OTUD4: variants seen among roughly 807,000 people sequenced by gnomAD.
The protein encoded by OTUD4 is OTU deubiquitinase 4.
In OTUD4, 24 loss-of-function variants were observed where a neutral mutation model predicts 130.4. The ratio of observed to expected loss-of-function variants is 0.18; its 90% CI spans 0.13 to 0.26. OTUD4 has a LOEUF of 0.26. Ranked by LOEUF, OTUD4 falls within the 10% of genes least tolerant of loss-of-function variation. The pLI is 1.00. For synonymous variants in OTUD4, 420 were observed against 472.5 expected (o/e 0.89, Z 1.44); for missense variants, 1,031 against 1,329.4 (o/e 0.78, Z 3.49).
chr4:145,151,130 T>C (rs150090231), intron 11 of OTUD4, among the ~76,000 whole-genome samples: 222 of 152,162 alleles, frequency 1.5e-3, no homozygotes, highest in African/African-American at 5.1e-3. Flanking sequence ...AAAAAGACAG[T>C]TGAATCACAA....
At chr4:145,152,935 G>A (rs982705894) in intron 10 of OTUD4, among the ~76,000 whole-genome samples, 3 of 149,036 alleles carry the variant, frequency 2.0e-5, no homozygotes, top group Non-Finnish European at 4.4e-5. Flanking sequence ...GGGTTTCACC[G>A]TGTTGGCCAG....
At chr4:145,148,216 G>A (rs942199057) in intron 13 of OTUD4, among the ~76,000 whole-genome samples, 2 of 152,140 alleles carry the variant, frequency 1.3e-5, no homozygotes, top group Admixed American at 6.6e-5. Context: ...CTGTTGATTA[G>A]AGGCCGGGTG....
Position 145,180,129 on chromosome 4 carries a change from C to A in OTUD4, c.-156G>T. 5.8e-6 allele frequency: 2 copies of A among 347,508 alleles called. No homozygotes were observed. The highest frequency in any genetic ancestry group is 8.4e-6 in the Non-Finnish European group (2 of 236,758). 21.5% of individuals were successfully genotyped at this position (347,508 alleles called of 1,614,324 possible). On this transcript the variant is annotated 5_prime_UTR_variant, in exon 1 of 21. Coordinates refer to ENST00000447906, the MANE Select transcript of OTUD4 (RefSeq NM_001366057.1). ...GGCGGCGGCGGCCCGAGGCAGCGGTCCGCGCTCTCCGGGCGCATAGGGAAG... is the reference window on the plus strand; with the variant it reads ...GGCGGCGGCGGCCCGAGGCAGCGGTACGCGCTCTCCGGGCGCATAGGGAAG...
chr4:145,142,465 T>G, intron 17 of OTUD4, 131 bp from the exon 18 acceptor site: 1 of 734,456 alleles, frequency 1.4e-6, no homozygotes, highest in Non-Finnish European at 2.3e-6. Flanking sequence ...ATAGCCCTTA[T>G]AGTCTTAGAA....
At chr4:145,161,111 A>AAACAACAACAACAAC (rs70956827) in intron 6 of OTUD4, among the ~76,000 whole-genome samples, 107 of 150,810 alleles carry the variant, frequency 7.1e-4, no homozygotes, top group African/African-American at 1.4e-3. Flanking sequence ...CTCCACCTCA[A>AAACAACAACAACAAC]AACAACAACA....
chr4:145,135,631 CA>C lies in OTUD4; in HGVS notation c.*1798del, dbSNP rs933474299. On this transcript the variant is annotated 3_prime_UTR_variant, in exon 21 of 21. Transcript: ENST00000447906. ...ACTATTCTAGTTAAGAAGGTGACAA[CA>C]AATTCCTTTCAATAGGTTCTCTCAA... is the stretch of plus-strand genomic sequence containing the variant. The C allele has an allele frequency of 6.6e-6, 1 of 152,600 alleles. No individual in the cohort carries two copies. Among genetic ancestry groups the C allele is most frequent in the Non-Finnish European group, 1.5e-5 (1 of 68,020 alleles). The allele number at this position is 152,600 out of a possible 1,614,324, so 9.5% of individuals were successfully genotyped here. A position where few individuals can be genotyped will look rare whatever the true frequency, so the allele number is the denominator to read the frequency against.
intron 10 of OTUD4, 113 bp from the exon 11 acceptor site, chr4:145,152,748 ACT>A: frequency 3.2e-6 from 2 of 624,818 alleles, no homozygotes; most frequent in South Asian, 4.1e-5. Context: ...ACAGGGTCTC[ACT>A]CTGTCACCCA....
Position 145,160,589 on chromosome 4 carries a change from G to C in OTUD4, c.497-954C>G, listed in dbSNP as rs149687982. On this transcript the variant is annotated intron_variant, in intron 6 of 20. Transcript: ENST00000447906. ...ACACTTTGGGAGACCAAGGCGGGCA[G>C]ATCACTGGAGGTCAGGAGTTCAAGA... Among the ~76,000 whole-genome samples the C allele has an allele frequency of 2.4e-3, 373 of 152,308 alleles. 2 individuals are homozygous for C. Among genetic ancestry groups the C allele is most frequent in the East Asian group, 8.3e-3 (43 of 5,182 alleles).
At chr4:145,138,680 A>C (rs745756652) in intron 20 of OTUD4, 30 bp from the exon 21 acceptor site, 1 of 1,557,862 alleles carries the variant, frequency 6.4e-7, no homozygotes. Context: ...TTAAATAAAC[A>C]AAAGAGGAGA....
intron 10 of OTUD4, 142 bp from the exon 11 acceptor site, chr4:145,152,777 C>A (rs1472037641): frequency 3.4e-6 from 2 of 585,734 alleles, no homozygotes; most frequent in Non-Finnish European, 6.1e-6. Context: ...AGTGCAGAGG[C>A]ACAATCTTGG....
intron 10 of OTUD4, among the ~76,000 whole-genome samples, chr4:145,153,392 A>T (rs1471477683): frequency 6.6e-6 from 1 of 152,172 alleles, no homozygotes; most frequent in East Asian, 1.9e-4. Flanking sequence ...CAGTTTCCTC[A>T]TAATGCAAAA....
At chr4:145,179,621 C>T (rs1035982952) in intron 1 of OTUD4, 194 bp downstream of exon 1, 8 of 1,388,944 alleles carry the variant, frequency 5.8e-6, no homozygotes, top group South Asian at 1.6e-5. Flanking sequence ...TGCGGGCTTT[C>T]GAGTTTCAAT....
intron 20 of OTUD4, among the ~76,000 whole-genome samples, chr4:145,139,297 T>C (rs758522403): frequency 6.6e-6 from 1 of 152,184 alleles, no homozygotes; most frequent in Non-Finnish European, 1.5e-5. Context: ...TTTATGAAAG[T>C]GGTCAGCAGG....
chr4:145,170,067 C>A (rs1399468189), intron 3 of OTUD4, among the ~76,000 whole-genome samples: 1 of 152,254 alleles, frequency 6.6e-6, no homozygotes, highest in South Asian at 2.1e-4. Context: ...AGGATAACCA[C>A]TACTCTGACT....
At chr4:145,147,969 C>T (rs950485949) in intron 13 of OTUD4, among the ~76,000 whole-genome samples, 1 of 152,128 alleles carries the variant, frequency 6.6e-6, no homozygotes, top group African/African-American at 2.4e-5. Context: ...GTAAAATTCA[C>T]TCACACACAC....
chr4:145,145,355 A>G (rs1308101176), intron 14 of OTUD4, among the ~76,000 whole-genome samples: 2 of 152,150 alleles, frequency 1.3e-5, no homozygotes, highest in African/African-American at 2.4e-5. Flanking sequence ...ACTTCTTCCA[A>G]TAATTCCTAA....
chr4:145,155,510 T>G (rs761904536), intron 9 of OTUD4, 35 bp from the exon 10 acceptor site: 2 of 1,600,042 alleles, frequency 1.2e-6, no homozygotes, highest in South Asian at 2.3e-5. Context: ...TAATATAAAG[T>G]TGACTTATTT....
chr4:145,142,654 T>C (rs1750618045), intron 17 of OTUD4, among the ~76,000 whole-genome samples: 1 of 152,244 alleles, frequency 6.6e-6, no homozygotes, highest in Non-Finnish European at 1.5e-5. Flanking sequence ...CCCAAGGTGC[T>C]GGAATTACAG....
At chr4:145,166,484 G>A (rs145721491) in intron 3 of OTUD4, among the ~76,000 whole-genome samples, 221 of 151,756 alleles carry the variant, frequency 1.5e-3, no homozygotes, top group African/African-American at 5.1e-3. Context: ...GTCACTGGGA[G>A]TTATTTGTAA....
Sources: allele counts gnomAD v4.1 joint callset (sites outside exome capture counted in the v4.1 genomes callset), GRCh38; gene constraint gnomAD v4.1.1; transcripts MANE v1.5; gene names NCBI Gene and HGNC (gene_info 2026-07-23, HGNC 2026-07-21).